Variants in SLC2A13 observed in about 807,000 individuals in gnomAD.
The protein encoded by SLC2A13 is proton myo-inositol cotransporter.
In SLC2A13, 32 loss-of-function variants were observed where a neutral mutation model predicts 64.4. That is an observed-to-expected ratio of 0.50 (90% CI 0.37 to 0.67). SLC2A13 has a LOEUF of 0.67. Ranked by LOEUF, SLC2A13 falls within the 30% of genes least tolerant of loss-of-function variation. The probability of loss-of-function intolerance (pLI) is 0.00; values close to 1 mark genes in which losing one functional copy is unlikely to be tolerated. For missense variants in SLC2A13, 743 were observed against 829.2 expected (o/e 0.90, Z 1.28); for synonymous variants, 338 against 327.1 (o/e 1.03, Z -0.36).
chr12:40,011,978 GAGC>G (rs1291094699), intron 3 of SLC2A13, among the ~76,000 whole-genome samples: 1 of 152,184 alleles, frequency 6.6e-6, no homozygotes, highest in Non-Finnish European at 1.5e-5. Context: ...GTGATAGGCA[GAGC>G]AGGAGTTACA....
chr12:40,104,305 C>A (rs1939232710), intron 1 of SLC2A13, among the ~76,000 whole-genome samples: 1 of 152,308 alleles, frequency 6.6e-6, no homozygotes, highest in Middle Eastern at 3.4e-3. Context: ...CTCAAAAGTG[C>A]TTTCTAATAA....
At position 39,786,687 on chromosome 12, in the gene SLC2A13, T is replaced by A. The variant is rs111778214; in HGVS notation, c.1446-21829A>T. Reference sequence around the variant, plus strand: ...ATCAGAGTCAGAAACTTTTAGGAATTGGGGGAACTTAGACAGACAGTATTA... The same window carrying A: ...ATCAGAGTCAGAAACTTTTAGGAATAGGGGGAACTTAGACAGACAGTATTA... On this transcript the variant is annotated intron_variant, in intron 7 of 9. Transcript: ENST00000280871. 7.8e-3 allele frequency among the ~76,000 whole-genome samples: 1,182 copies of A among 152,236 alleles called. 13 individuals are homozygous for A. Among genetic ancestry groups the A allele is most frequent in the Non-Finnish European group, 0.013 (867 of 68,012 alleles).
intron 4 of SLC2A13, chr12:39,950,196 C>T (rs1946203496): frequency 1.3e-5 from 2 of 151,898 alleles, no homozygotes; most frequent in Admixed American, 1.3e-4. Flanking sequence ...ATATTTTAAT[C>T]AATTCACTCT....
intron 6 of SLC2A13, among the ~76,000 whole-genome samples, chr12:39,848,821 C>G (rs1434112297): frequency 3.3e-5 from 5 of 152,088 alleles, no homozygotes; most frequent in Non-Finnish European, 5.9e-5. Context: ...TACATATACA[C>G]CAGGGAATAT....
chr12:39,760,953 A>AACACACACACACACACACACACAC (rs71449492), intron 9 of SLC2A13, among the ~76,000 whole-genome samples: 1,946 of 101,568 alleles, frequency 0.019, 129 homozygotes, highest in Admixed American at 0.07. Context: ...GTCTCTACCA[A>AACACACACACACACACACACACAC]ACACACACAC....
intron 4 of SLC2A13, among the ~76,000 whole-genome samples, chr12:39,894,034 A>G (rs1217798794): frequency 6.6e-6 from 1 of 152,242 alleles, no homozygotes; most frequent in Admixed American, 6.5e-5. Flanking sequence ...TGTGTAGTAC[A>G]TTTGATAGGC....
At chr12:40,056,000 AC>A (rs1247609796) in intron 1 of SLC2A13, among the ~76,000 whole-genome samples, 5 of 150,294 alleles carry the variant, frequency 3.3e-5, no homozygotes, top group Admixed American at 6.6e-5. Context: ...CAAAAAAAAA[AC>A]AAAACAAACA....
intron 3 of SLC2A13, among the ~76,000 whole-genome samples, chr12:40,025,535 A>C (rs1044059661): frequency 6.6e-6 from 1 of 152,190 alleles, no homozygotes; most frequent in Non-Finnish European, 1.5e-5. Context: ...CCAGAATCAG[A>C]CCTATTTATT....
chr12:39,887,311 A>T (rs1944489660), intron 4 of SLC2A13, among the ~76,000 whole-genome samples: 1 of 152,224 alleles, frequency 6.6e-6, no homozygotes, highest in Non-Finnish European at 1.5e-5. Context: ...ATGGATGGGC[A>T]GCCAGTCTGT....
At chr12:39,925,024 C>G (rs1217109471) in intron 4 of SLC2A13, among the ~76,000 whole-genome samples, 1 of 132,526 alleles carries the variant, frequency 7.5e-6, no homozygotes, top group African/African-American at 2.9e-5. Flanking sequence ...CCTATACATA[C>G]AGATAATTTT....
chr12:39,822,738 T>C (rs1942558711), intron 7 of SLC2A13, among the ~76,000 whole-genome samples: 1 of 152,170 alleles, frequency 6.6e-6, no homozygotes, highest in African/African-American at 2.4e-5. Flanking sequence ...AAAGGAAATA[T>C]GAAGAAAAAT....
chr12:39,756,254 A>G lies in SLC2A13; in HGVS notation c.*3772T>C, dbSNP rs1939966067. On this transcript the variant is annotated 3_prime_UTR_variant, in exon 10 of 10. Coordinates refer to ENST00000280871, the MANE Select transcript of SLC2A13 (RefSeq NM_052885.4). ...TAACCACAATTTAATACATTTTGCT[A>G]TAAAGCACATATTATAAATTCTCTG... 6.6e-6 allele frequency: 1 copy of G among 151,956 alleles called. No individual in the cohort carries two copies. The highest frequency in any genetic ancestry group is 2.1e-4 in the South Asian group (1 of 4,828). The allele number at this position is 151,956 out of a possible 1,614,324, so 9.4% of individuals were successfully genotyped here. A position where few individuals can be genotyped will look rare whatever the true frequency, so the allele number is the denominator to read the frequency against.
At chr12:39,833,892 T>TAAAAAAA (rs1161840484) in intron 6 of SLC2A13, among the ~76,000 whole-genome samples, 1 of 88,402 alleles carries the variant, frequency 1.1e-5, no homozygotes. Flanking sequence ...AGCATGGTCA[T>TAAAAAAA]AAAAAAAAAA....
At chr12:39,832,796 C>T (rs1364208772) in intron 6 of SLC2A13, among the ~76,000 whole-genome samples, 5 of 152,122 alleles carry the variant, frequency 3.3e-5, no homozygotes, top group Non-Finnish European at 5.9e-5. Context: ...TCTCCTCTAT[C>T]ATTCCATTAT....
chr12:39,760,687 G>A (rs1202257827), intron 9 of SLC2A13, among the ~76,000 whole-genome samples: 1 of 151,714 alleles, frequency 6.6e-6, no homozygotes, highest in Non-Finnish European at 1.5e-5. Context: ...TTCTTAATTT[G>A]TTTTTCATTT....
intron 1 of SLC2A13, among the ~76,000 whole-genome samples, chr12:40,061,565 G>T (rs1032201354): frequency 1.3e-5 from 2 of 152,062 alleles, no homozygotes; most frequent in Non-Finnish European, 2.9e-5. Context: ...ATTAGGCACG[G>T]CAAGTAATCT....
chr12:39,995,012 ATAAAT>A (rs1212302352), intron 3 of SLC2A13, among the ~76,000 whole-genome samples: 2 of 152,262 alleles, frequency 1.3e-5, no homozygotes, highest in African/African-American at 4.8e-5. Flanking sequence ...AAATTCATAC[ATAAAT>A]TAGACTGTGT....
At chr12:40,006,360 A>G (rs547262927) in intron 3 of SLC2A13, among the ~76,000 whole-genome samples, 3 of 152,124 alleles carry the variant, frequency 2.0e-5, no homozygotes, top group Non-Finnish European at 4.4e-5. Flanking sequence ...GGTTAATTTT[A>G]TTTTTCTTTC....
intron 4 of SLC2A13, among the ~76,000 whole-genome samples, chr12:39,896,546 GTGTATACA>G (rs1487662987): frequency 2.1e-5 from 3 of 141,110 alleles, no homozygotes; most frequent in Admixed American, 1.5e-4. Flanking sequence ...GTATGTATGT[GTGTATACA>G]TGTATACATA....
Sources: allele counts gnomAD v4.1 joint callset (sites outside exome capture counted in the v4.1 genomes callset), GRCh38; gene constraint gnomAD v4.1.1; transcripts MANE v1.5; gene names NCBI Gene and HGNC (gene_info 2026-07-23, HGNC 2026-07-21).